FKBP11: variants seen among roughly 807,000 people sequenced by gnomAD.
FKBP11 encodes peptidyl-prolyl cis-trans isomerase FKBP11.
A neutral mutation model predicts 24.7 loss-of-function variants in FKBP11; 21 were observed. The ratio of observed to expected loss-of-function variants is 0.85; its 90% CI spans 0.60 to 1.23. The LOEUF (loss-of-function observed/expected upper bound fraction) is 1.23. Ranked by LOEUF, FKBP11 falls within the 50% of genes most tolerant of loss-of-function variation. The pLI, the probability that FKBP11 is intolerant of heterozygous loss-of-function variation, is 0.00. For synonymous variants in FKBP11, 106 were observed against 100.6 expected, an observed-to-expected ratio of 1.05 and a Z score of -0.32; for missense variants, 245 against 248.7, an observed-to-expected ratio of 0.99 and a Z score of 0.10.
the FKBP11 span, chr12:48,935,820 G>A: frequency 8.5e-5 from 13 of 152,352 alleles, no homozygotes; most frequent in Middle Eastern, 3.4e-3. Flanking sequence ...GCAAGGCTGA[G>A]GAGATCTGAG....
chr12:48,923,050 A>C, intron 5 of FKBP11: 1 of 774,808 alleles, frequency 1.3e-6, no homozygotes, highest in South Asian at 1.6e-5. Flanking sequence ...CGGGAGGCTG[A>C]GACAGGAGAA....
rs1939844416 is a variant in FKBP11 at position 48,921,963 on chromosome 12, T to C, written c.*21A>G. 6.5e-7 allele frequency: 1 copy of C among 1,529,606 alleles called. No homozygotes were observed. The highest frequency in any genetic ancestry group is 2.5e-5 in the East Asian group (1 of 40,466). 94.8% of individuals were successfully genotyped at this position (1,529,606 alleles called of 1,614,324 possible). On this transcript the variant is annotated 3_prime_UTR_variant, in exon 6 of 6. Transcript: ENST00000550765. ...ATATCAGATGAAGAATGCAAATAAG[T>C]TTTTTAAAATTTATTATTTATTATT... is the stretch of plus-strand genomic sequence containing the variant.
rs142670430 is a variant in FKBP11 at position 48,924,894 on chromosome 12, G to A, written c.195+152C>T. 1.8e-4 allele frequency: 266 copies of A among 1,442,990 alleles called. No homozygotes were observed. The African/African-American group carries it at 3.6e-3, about 19-fold the overall frequency. The allele number at this position is 1,442,990 out of a possible 1,614,324, so 89.4% of individuals were successfully genotyped here. ...AAGGAGGGAAAAGAGGCACGGAAGA[G>A]CAACGTCTCTCCCCTCGCCACGTGC... On this transcript the variant is annotated intron_variant, in intron 2 of 5. Coordinates refer to ENST00000550765, the MANE Select transcript of FKBP11 (RefSeq NM_016594.3).
At chr12:48,922,280 C>A in intron 5 of FKBP11, 79 bp from the exon 6 acceptor site, 1 of 1,334,494 alleles carries the variant, frequency 7.5e-7, no homozygotes, top group Admixed American at 2.1e-5. Flanking sequence ...AAATAGGGAG[C>A]GTAGGCCACA....
At chr12:48,936,810 A>T in the FKBP11 span, 1 of 152,248 alleles carries the variant, frequency 6.6e-6, no homozygotes, top group African/African-American at 2.4e-5. Context: ...ATACATGGAA[A>T]AGGGCAAATG....
chr12:48,922,002 G>T lies in FKBP11; in HGVS notation c.588C>A (p.Asn196Lys), dbSNP rs1368873390. The change falls in exon 6 of 6, where the codon AAC (asparagine) becomes AAA (lysine). Residue 196 changes from asparagine to lysine, a missense_variant. By Grantham distance (94) the Asn-to-Lys change is moderately conservative. Coordinates refer to ENST00000550765, the MANE Select transcript of FKBP11 (RefSeq NM_016594.3). ...SKKKLKEEKR[N>K]KSKKK ...TTATTTATTATTTCTTTTTGCTCTT[G>T]TTTCGTTTCTCTTCCTTGAGCTTCT... is the stretch of plus-strand genomic sequence containing the variant. 6.3e-6 allele frequency: 10 copies of T among 1,598,598 alleles called. No individual in the cohort carries two copies. The highest frequency in any genetic ancestry group is 1.3e-5 in the African/African-American group (1 of 74,238).
In FKBP11 at chr12:48,922,218, G is replaced by C. The variant is rs1056255580; in HGVS notation, c.389-17C>G. On this transcript the variant is annotated splice_polypyrimidine_tract_variant and intron_variant, in intron 5 of 5. Coordinates refer to ENST00000550765, the MANE Select transcript of FKBP11 (RefSeq NM_016594.3). ...CTGCATCCGCTGGAGAGGCAGAGGGGTGGAGAGGGTTAGACTCTCTGCATT... is the reference window on the plus strand; with the variant it reads ...CTGCATCCGCTGGAGAGGCAGAGGGCTGGAGAGGGTTAGACTCTCTGCATT... The C allele has an allele frequency of 6.2e-6, 10 of 1,604,984 alleles. No individual in the cohort carries two copies. The highest frequency in any genetic ancestry group is 5.5e-5 in the South Asian group (5 of 90,764).
upstream of FKBP11, among the ~76,000 whole-genome samples, chr12:48,927,398 G>A (rs1159502748): frequency 2.0e-5 from 3 of 152,064 alleles, no homozygotes; most frequent in Non-Finnish European, 4.4e-5. Context: ...GTGATGAAAT[G>A]CTCTATATTT....
chr12:48,923,470 GGAAA>G (rs1188599794), intron 5 of FKBP11: 3 of 1,549,398 alleles, frequency 1.9e-6, no homozygotes, highest in Non-Finnish European at 2.6e-6. Flanking sequence ...GAAAAGGGCA[GGAAA>G]GAAGTCCAGT....
At position 48,924,548 on chromosome 12, in the gene FKBP11, A is replaced by G. The variant is rs749346436; in HGVS notation, c.283+13T>C. On this transcript the variant is annotated intron_variant, in intron 3 of 5. Transcript: ENST00000550765. ...GTTGGGAAGAGGTGGAATGGGAGGCACAGGTCACATACCTGGAATCACCTG... is the reference window on the plus strand; with the variant it reads ...GTTGGGAAGAGGTGGAATGGGAGGCGCAGGTCACATACCTGGAATCACCTG... 1.3e-5 allele frequency: 21 copies of G among 1,610,284 alleles called. No homozygotes were observed.
upstream of FKBP11, among the ~76,000 whole-genome samples, chr12:48,930,366 G>A (rs1565702614): frequency 6.6e-6 from 1 of 152,328 alleles, no homozygotes; most frequent in East Asian, 1.9e-4. Flanking sequence ...GGATGGTTAC[G>A]TTTGGGCATG....
chr12:48,928,980 G>A (rs1348640686), upstream of FKBP11, among the ~76,000 whole-genome samples: 2 of 147,116 alleles, frequency 1.4e-5, no homozygotes, highest in Non-Finnish European at 3.0e-5. Context: ...CCGCCATCAC[G>A]CCCAGCTAAC....
upstream of FKBP11, among the ~76,000 whole-genome samples, chr12:48,928,818 C>CTTTTTTTTTTTTTTTTTTTTTTT (rs1196484675): frequency 1.1e-5 from 1 of 94,234 alleles, no homozygotes; most frequent in African/African-American, 3.9e-5. Context: ...AAACTTCTAT[C>CTTTTTTTTTTTTTTTTTTTTTTT]TTTTTTTTTT....
intron 5 of FKBP11, chr12:48,923,159 AAAG>A (rs10649450): frequency 9.1e-7 from 1 of 1,095,244 alleles, no homozygotes. Context: ...AAAAAAAAAA[AAAG>A]AATTACGAGC....
At chr12:48,924,401 G>A (rs1297123625) in intron 3 of FKBP11, 145 bp from the exon 4 acceptor site, 5 of 1,188,310 alleles carry the variant, frequency 4.2e-6, no homozygotes, top group Non-Finnish European at 6.2e-6. Flanking sequence ...TATGGGACAA[G>A]TGGAGTACTA....
At chr12:48,923,760 G>A in intron 5 of FKBP11, 22 bp downstream of exon 5, 2 of 1,610,804 alleles carry the variant, frequency 1.2e-6, no homozygotes, top group Non-Finnish European at 1.7e-6. Flanking sequence ...GATGGCCTGA[G>A]AGAGAGTCCT....
chr12:48,930,815 G>C (rs1940038394), upstream of FKBP11, among the ~76,000 whole-genome samples: 2 of 152,150 alleles, frequency 1.3e-5, no homozygotes, highest in African/African-American at 4.8e-5. Flanking sequence ...CTAGAGAGAG[G>C]TGGCTGGAGA....
At chr12:48,925,642 G>T, upstream of FKBP11, 1 of 616,854 alleles carries the variant, frequency 1.6e-6, no homozygotes, top group Non-Finnish European at 2.8e-6. Flanking sequence ...AAGATCCGGA[G>T]GGCGCAGGTT....
Position 48,925,291 on chromosome 12 carries a change from TCTC to T in FKBP11, c.129+6_129+8del. On this transcript the variant is annotated splice_donor_region_variant and intron_variant, in intron 1 of 5. Transcript: ENST00000550765. ...CCACGGGGGCTGAGGGTCGGGACTA[TCTC>T]CTCACCAGGGTCTCCACTTGGAGGG... The T allele has an allele frequency of 1.2e-6, 2 of 1,611,918 alleles. No individual in the cohort carries two copies. Among genetic ancestry groups the T allele is most frequent in the Non-Finnish European group, 1.7e-6 (2 of 1,179,404 alleles).
Sources: allele counts gnomAD v4.1 joint callset (sites outside exome capture counted in the v4.1 genomes callset), GRCh38; gene constraint gnomAD v4.1.1; transcripts MANE v1.5; gene names NCBI Gene and HGNC (gene_info 2026-07-23, HGNC 2026-07-21).